Variants in RTRAF observed in about 807,000 individuals in gnomAD.
RTRAF encodes RNA transcription, translation and transport factor.
In RTRAF, 14 loss-of-function variants were observed where a neutral mutation model predicts 34.4. The ratio of observed to expected loss-of-function variants is 0.41; its 90% CI spans 0.27 to 0.64. RTRAF has a LOEUF of 0.64. RTRAF is among the 30% of genes least tolerant of loss of function. The probability of loss-of-function intolerance (pLI) is 0.34; values close to 1 mark genes in which losing one functional copy is unlikely to be tolerated. For synonymous variants in RTRAF, 96 were observed against 95.3 expected (o/e 1.01, Z -0.04); for missense variants, 291 against 288.4 (o/e 1.01, Z -0.06).
At position 52,006,231 on chromosome 14, in the gene RTRAF, A is replaced by T; in HGVS notation, c.*1715A>T. ...AGCTCATGGTATCAAGGGTAGTCTT[A>T]TTCTCTAAAGAACATATTTAGATTA... On this transcript the variant is annotated 3_prime_UTR_variant, in exon 8 of 8. Coordinates refer to ENST00000261700, the MANE Select transcript of RTRAF (RefSeq NM_016039.3). 1 of 394,972 alleles carries T rather than the reference A, an allele frequency of 2.5e-6. No individual in the cohort carries two copies. Among genetic ancestry groups the T allele is most frequent in the Non-Finnish European group, 4.7e-6 (1 of 213,436 alleles). 24.5% of individuals were successfully genotyped at this position (394,972 alleles called of 1,614,324 possible).
chr14:51,989,944 C>G (rs1890399888), intron 1 of RTRAF, among the ~76,000 whole-genome samples: 2 of 152,242 alleles, frequency 1.3e-5, no homozygotes. Flanking sequence ...CTCCAAGCAT[C>G]ACGTAACTAC....
Position 52,004,549 on chromosome 14 carries a change from G to T in RTRAF, c.*33G>T. On this transcript the variant is annotated 3_prime_UTR_variant, in exon 8 of 8. Transcript: ENST00000261700. Reference sequence around the variant, plus strand: ...AGGACTTCAGCTTCTCACCTACTTAGTACAGTTGGGAACCATACACTTCTG... The same window carrying T: ...AGGACTTCAGCTTCTCACCTACTTATTACAGTTGGGAACCATACACTTCTG... 6.4e-7 allele frequency: 1 copy of T among 1,561,340 alleles called. No individual in the cohort carries two copies. Among genetic ancestry groups the T allele is most frequent in the Non-Finnish European group, 8.8e-7 (1 of 1,139,470 alleles).
intron 3 of RTRAF, among the ~76,000 whole-genome samples, chr14:51,996,878 T>G (rs1890529618): frequency 6.6e-6 from 1 of 152,036 alleles, no homozygotes; most frequent in South Asian, 2.1e-4. Context: ...CTTAGTATCT[T>G]AAAATCTGGA....
At chr14:51,993,344 G>A (rs898477979) in intron 2 of RTRAF, among the ~76,000 whole-genome samples, 22 of 152,104 alleles carry the variant, frequency 1.4e-4, no homozygotes, top group African/African-American at 5.1e-4. Flanking sequence ...TTAAGGTTTA[G>A]ATAGATAATG....
Position 52,007,678 on chromosome 14 carries a change from CT to C in RTRAF, c.*3163del. 1 of 818,706 alleles carries C rather than the reference CT, an allele frequency of 1.2e-6. No homozygotes were observed. The highest frequency in any genetic ancestry group is 1.7e-5 in the African/African-American group (1 of 58,074). 50.7% of individuals were successfully genotyped at this position (818,706 alleles called of 1,614,324 possible). ...ACTCATTTACTAGTACTTAAATTTACTAGTACTTAAAAGTTTACAGACCAAA... is the reference window on the plus strand; with the variant it reads ...ACTCATTTACTAGTACTTAAATTTACAGTACTTAAAAGTTTACAGACCAAA... On this transcript the variant is annotated 3_prime_UTR_variant, in exon 8 of 8. Coordinates refer to ENST00000261700, the MANE Select transcript of RTRAF (RefSeq NM_016039.3).
intron 4 of RTRAF, chr14:51,999,443 A>AT: frequency 3.2e-6 from 1 of 310,010 alleles, no homozygotes; most frequent in Non-Finnish European, 5.9e-6. Context: ...CACTGAACTC[A>AT]TTGTAAGGTC....
rs1281430993 is a variant in RTRAF at position 52,009,304 on chromosome 14, A to G, written c.*4788A>G. 1 of 152,260 alleles carries G rather than the reference A, an allele frequency of 6.6e-6. No individual in the cohort carries two copies. Among genetic ancestry groups the G allele is most frequent in the East Asian group, 1.9e-4 (1 of 5,196 alleles). The allele number at this position is 152,260 out of a possible 1,614,324, so 9.4% of individuals were successfully genotyped here. ...TCCCCAAAATGATTTAATATCATCA[A>G]CAACAATAAGTCTGAAACAAGCTCA... is the stretch of plus-strand genomic sequence containing the variant. On this transcript the variant is annotated 3_prime_UTR_variant, in exon 8 of 8. Coordinates refer to ENST00000261700, the MANE Select transcript of RTRAF (RefSeq NM_016039.3).
chr14:51,999,471 A>G, intron 4 of RTRAF: 2 of 365,582 alleles, frequency 5.5e-6, no homozygotes, highest in Non-Finnish European at 9.9e-6. Context: ...TACAAGTCTA[A>G]CCATCCTAAG....
intron 2 of RTRAF, among the ~76,000 whole-genome samples, chr14:51,993,191 T>G (rs1159700426): frequency 4.6e-5 from 7 of 152,158 alleles, no homozygotes; most frequent in Admixed American, 4.6e-4. Context: ...TTATATTACA[T>G]ATAATTAATG....
Position 52,005,821 on chromosome 14 carries a change from T to TG in RTRAF, c.*1305_*1306insG. On this transcript the variant is annotated 3_prime_UTR_variant, in exon 8 of 8. Transcript: ENST00000261700. ...AGATACTCATCAGTAAACTGGCCAC[T>TG]ATGTTTATTTACTGATACAACACCA... The TG allele has an allele frequency of 6.2e-7, 1 of 1,613,064 alleles. No individual in the cohort carries two copies. Among genetic ancestry groups the TG allele is most frequent in the Non-Finnish European group, 8.5e-7 (1 of 1,179,044 alleles).
Position 52,005,502 on chromosome 14 carries a change from A to G in RTRAF, c.*986A>G, listed in dbSNP as rs1467467065. ...TTACTGTACTTACTTTCTTCCTGTG[A>G]GAGAAGAGCAGGGGTGGGACAGGGT... On this transcript the variant is annotated 3_prime_UTR_variant, in exon 8 of 8. Transcript: ENST00000261700. The G allele has an allele frequency of 1.3e-6, 2 of 1,596,856 alleles. No individual in the cohort carries two copies. The highest frequency in any genetic ancestry group is 2.2e-5 in the East Asian group (1 of 44,798).
rs1348606880 is a variant in RTRAF at position 51,998,539 on chromosome 14, A to T, written c.332A>T (p.Asp111Val). The change falls in exon 4 of 8, where the codon GAC becomes GTC. Residue 111 changes from aspartate (D) to valine (V), a missense_variant. By Grantham distance (152) the Asp-to-Val change is radical. Coordinates refer to ENST00000261700, the MANE Select transcript of RTRAF (RefSeq NM_016039.3). ...DLVPDNSKTA[D>V]NATKNAEPLI... ...GTACCTGATAATTCAAAAACTGCTGACAATGCAACTAAAAATGCAGAACCA... is the reference window on the plus strand; with the variant it reads ...GTACCTGATAATTCAAAAACTGCTGTCAATGCAACTAAAAATGCAGAACCA... The T allele has an allele frequency of 1.3e-6, 2 of 1,592,948 alleles. No individual in the cohort carries two copies. The highest frequency in any genetic ancestry group is 1.7e-6 in the Non-Finnish European group (2 of 1,169,650).
Position 51,989,680 on chromosome 14 carries a change from C to A in RTRAF, c.41C>A (p.Pro14His). Residue 14 changes from proline (P) to histidine (H), a missense_variant, in exon 1 of 8, where the codon CCC becomes CAC. Pro to His is a moderately conservative substitution (Grantham distance 77). Coordinates refer to ENST00000261700, the MANE Select transcript of RTRAF (RefSeq NM_016039.3). The stretch of plus-strand genomic sequence containing the variant: ...TTGACGGCTCTCGACTACCACAACC[C>A]CGCCGGCTTCAACTGCAAAGGTGAG... ...RKLTALDYHN[P>H]AGFNCKDETE... 1 of 1,605,286 alleles carries A rather than the reference C, an allele frequency of 6.2e-7. No homozygotes were observed. The highest frequency in any genetic ancestry group is 2.3e-5 in the East Asian group (1 of 44,122).
At chr14:52,002,911 C>G (rs899338891) in intron 6 of RTRAF, among the ~76,000 whole-genome samples, 1 of 152,156 alleles carries the variant, frequency 6.6e-6, no homozygotes, top group African/African-American at 2.4e-5. Context: ...GTATATGAAT[C>G]GAGCCACTGG....
intron 3 of RTRAF, among the ~76,000 whole-genome samples, chr14:51,997,697 G>C (rs1246650147): frequency 1.3e-5 from 2 of 151,860 alleles, no homozygotes; most frequent in Non-Finnish European, 2.9e-5. Flanking sequence ...TTTGAGGTTT[G>C]TATATGATGG....
At chr14:51,996,005 T>G (rs1890516158) in intron 3 of RTRAF, among the ~76,000 whole-genome samples, 1 of 152,110 alleles carries the variant, frequency 6.6e-6, no homozygotes, top group Non-Finnish European at 1.5e-5. Context: ...TACATCTCAG[T>G]TTATTTGTTT....
At chr14:51,991,261 G>C (rs922364968) in intron 1 of RTRAF, 56 bp from the exon 2 acceptor site, 3 of 1,531,820 alleles carry the variant, frequency 2.0e-6, no homozygotes, top group Non-Finnish European at 2.7e-6. Context: ...ATATACCTGA[G>C]AAGGAGGTAT....
chr14:52,005,847 T>A lies in RTRAF; in HGVS notation c.*1331T>A, dbSNP rs1365514230. ...ATGTTTATTTACTGATACAACACCA[T>A]CCCTGGTAACAGAAAGGAAGAGTGA... On this transcript the variant is annotated 3_prime_UTR_variant, in exon 8 of 8. Transcript: ENST00000261700. The A allele has an allele frequency of 1.2e-6, 2 of 1,601,876 alleles. No homozygotes were observed. The highest frequency in any genetic ancestry group is 2.2e-5 in the East Asian group (1 of 44,832).
In RTRAF at chr14:52,002,052, G is replaced by T. The variant is rs559806869; in HGVS notation, c.531+186G>T. On this transcript the variant is annotated intron_variant, in intron 6 of 7. Transcript: ENST00000261700. ...ATTCAGTGGCTAGGGGGTCATTTTT[G>T]AGTGAAAAACTTCATGTTCCTCTCA... is the stretch of plus-strand genomic sequence containing the variant. The T allele has an allele frequency of 1.2e-5, 7 of 569,082 alleles. No homozygotes were observed. In the African/African-American group the frequency reaches 1.4e-4, roughly 11 times the overall value. The allele number at this position is 569,082 out of a possible 1,614,324, so 35.3% of individuals were successfully genotyped here. A position where few individuals can be genotyped will look rare whatever the true frequency, so the allele number is the denominator to read the frequency against.
Sources: gnomAD v4.1 joint callset for allele counts (sites outside exome capture counted in the v4.1 genomes callset) on GRCh38, gnomAD v4.1.1 for gene constraint, MANE v1.5 for transcripts, NCBI Gene and HGNC (gene_info 2026-07-23, HGNC 2026-07-21) for gene names.